The following RBMS3 variants were observed in gnomAD, a reference collection of about 807,000 sequenced individuals.
RBMS3 encodes RNA-binding motif, single-stranded-interacting protein 3.
A neutral mutation model predicts 66.8 loss-of-function variants in RBMS3; 27 were observed. The ratio of observed to expected loss-of-function variants is 0.40; its 90% confidence interval spans 0.30 to 0.56. The LOEUF is 0.56. Ranked by LOEUF, RBMS3 falls within the 20% of genes least tolerant of loss-of-function variation. The pLI, the probability that RBMS3 is intolerant of heterozygous loss-of-function variation, is 0.40. For missense variants in RBMS3, 513 were observed against 549.5 expected (o/e 0.93, Z 0.66); for synonymous variants, 188 against 183.0 (o/e 1.03, Z -0.22).
chr3:29,284,114 A>G (rs2032057116), intron 1 of RBMS3, among the ~76,000 whole-genome samples: 2 of 152,090 alleles, frequency 1.3e-5, no homozygotes, highest in South Asian at 4.1e-4. Flanking sequence ...TGCTGCTTAT[A>G]TTTATTTGGT....
chr3:29,436,161 A>G (rs947983865), intron 2 of RBMS3, among the ~76,000 whole-genome samples: 2 of 152,226 alleles, frequency 1.3e-5, no homozygotes, highest in African/African-American at 4.8e-5. Flanking sequence ...CCATGAGGAT[A>G]TTTATTTTGT....
chr3:29,783,687 C>G (rs2056720267), intron 6 of RBMS3, among the ~76,000 whole-genome samples: 1 of 151,994 alleles, frequency 6.6e-6, no homozygotes, highest in Admixed American at 6.6e-5. Context: ...AGGATAGTAC[C>G]TCACATCCCA....
chr3:29,445,350 T>A (rs2041788427), intron 2 of RBMS3, among the ~76,000 whole-genome samples: 1 of 151,754 alleles, frequency 6.6e-6, no homozygotes, highest in African/African-American at 2.4e-5. Context: ...CAGGATAACT[T>A]GAATCAAAAG....
chr3:29,944,071 GC>G (rs1695137095), intron 11 of RBMS3, 135 bp from the exon 12 acceptor site: 6 of 652,922 alleles, frequency 9.2e-6, no homozygotes, highest in Non-Finnish European at 1.6e-5. Context: ...GAATCCTAAT[GC>G]CTTTACTGCT....
intron 6 of RBMS3, among the ~76,000 whole-genome samples, chr3:29,826,680 T>A (rs192910667): frequency 6.6e-6 from 1 of 152,278 alleles, no homozygotes; most frequent in Admixed American, 6.5e-5. Flanking sequence ...TACTTAACTT[T>A]TTCAGTTTCT....
At position 29,466,901 on chromosome 3, in the gene RBMS3, T is replaced by A. The variant is rs115631922; in HGVS notation, c.249-21540T>A. 4.9e-3 allele frequency among the ~76,000 whole-genome samples: 741 copies of A among 152,210 alleles called. 6 individuals are homozygous for A. The highest frequency in any genetic ancestry group is 0.017 in the African/African-American group (713 of 41,556). ...TACCATTGTATTCAGTGATACTAAT[T>A]GATGGTGCCAGTGAAATTTAGCTGT... On this transcript the variant is annotated intron_variant, in intron 2 of 14. Transcript: ENST00000383767.
At chr3:29,473,302 C>A (rs1307761686) in intron 2 of RBMS3, among the ~76,000 whole-genome samples, 5 of 152,238 alleles carry the variant, frequency 3.3e-5, no homozygotes, top group Middle Eastern at 3.4e-3. Flanking sequence ...TATTTACAAT[C>A]CCTTAGCTAG....
intron 1 of RBMS3, among the ~76,000 whole-genome samples, chr3:29,286,440 G>A (rs2032343523): frequency 1.3e-5 from 2 of 151,940 alleles, no homozygotes; most frequent in Non-Finnish European, 2.9e-5. Flanking sequence ...GAGTAGAAAC[G>A]TAAAAAGTTC....
intron 3 of RBMS3, among the ~76,000 whole-genome samples, chr3:29,582,194 A>ATAGG (rs1437751484): frequency 7.6e-4 from 110 of 144,630 alleles, no homozygotes; most frequent in Middle Eastern, 3.5e-3. Context: ...AGATAGATAG[A>ATAGG]TACACACACA....
chr3:29,674,087 G>A (rs1037763185), intron 4 of RBMS3, among the ~76,000 whole-genome samples: 2 of 152,158 alleles, frequency 1.3e-5, no homozygotes, highest in African/African-American at 4.8e-5. Context: ...TGGGATGTGA[G>A]GCTGGTTCAA....
chr3:29,457,947 C>T (rs1354330918), intron 2 of RBMS3, among the ~76,000 whole-genome samples: 3 of 147,546 alleles, frequency 2.0e-5, no homozygotes, highest in South Asian at 2.2e-4. Flanking sequence ...TTATCTTCCC[C>T]ACCACTCTCC....
At chr3:29,924,005 T>G (rs575643537) in intron 10 of RBMS3, among the ~76,000 whole-genome samples, 1 of 152,364 alleles carries the variant, frequency 6.6e-6, no homozygotes, top group Non-Finnish European at 1.5e-5. Flanking sequence ...ACAGTTTTAT[T>G]TCATATAGTT....
intron 4 of RBMS3, among the ~76,000 whole-genome samples, chr3:29,714,128 C>T (rs1382588275): frequency 7.1e-6 from 1 of 140,714 alleles, no homozygotes; most frequent in Non-Finnish European, 1.6e-5. Context: ...CACTATAAGC[C>T]AGGATCTCTT....
chr3:30,007,120 A>C lies in RBMS3; in HGVS notation c.*3258A>C, dbSNP rs1699821726. 1 of 152,080 alleles carries C rather than the reference A, an allele frequency of 6.6e-6. No individual in the cohort carries two copies. Among genetic ancestry groups the C allele is most frequent in the African/African-American group, 2.4e-5 (1 of 41,430 alleles). The allele number at this position is 152,080 out of a possible 1,614,324, so 9.4% of individuals were successfully genotyped here. ...TTGTCTTACCTAAGACTTGTTTTGAAGAGCCAAGTCTGGGAGAGAAAAAAA... is the reference window on the plus strand; with the variant it reads ...TTGTCTTACCTAAGACTTGTTTTGACGAGCCAAGTCTGGGAGAGAAAAAAA... On this transcript the variant is annotated 3_prime_UTR_variant, in exon 15 of 15. Transcript: ENST00000383767.
intron 3 of RBMS3, among the ~76,000 whole-genome samples, chr3:29,541,718 T>C (rs1395169836): frequency 6.6e-6 from 1 of 152,210 alleles, no homozygotes; most frequent in South Asian, 2.1e-4. Flanking sequence ...CTGTCTCACA[T>C]AGAGTAATGC....
chr3:29,730,918 G>A (rs2054103328), intron 4 of RBMS3: 2 of 985,154 alleles, frequency 2.0e-6, no homozygotes, highest in Non-Finnish European at 2.4e-6. Context: ...GCTGATAACT[G>A]GTGATACTGA....
rs572299327 is a variant in RBMS3 at position 29,539,050 on chromosome 3, C to A, written c.308-48064C>A. 1.1e-3 allele frequency among the ~76,000 whole-genome samples: 161 copies of A among 152,214 alleles called. 1 individual carries two copies. The highest frequency in any genetic ancestry group is 3.8e-3 in the African/African-American group (156 of 41,540). ...TTATATAATGGAGGAATAACATATA[C>A]AAAGAATGAATATAATCACAGAAAT... On this transcript the variant is annotated intron_variant, in intron 3 of 14. Coordinates refer to ENST00000383767, the MANE Select transcript of RBMS3 (RefSeq NM_001003793.3).
chr3:29,912,045 G>A (rs2149634083), intron 10 of RBMS3, among the ~76,000 whole-genome samples: 1 of 152,108 alleles, frequency 6.6e-6, no homozygotes, highest in Middle Eastern at 3.4e-3. Flanking sequence ...TGAATGAATG[G>A]ATGGAGGGAA....
chr3:29,561,432 TTTGTTGTTGTTGTTGTTG>T (rs372349286), intron 3 of RBMS3, among the ~76,000 whole-genome samples: 2 of 148,948 alleles, frequency 1.3e-5, no homozygotes, highest in African/African-American at 2.5e-5. Flanking sequence ...ATCTGTTGTT[TTTGTTGTTGTTGTTGTTG>T]TTGTTGTTGT....
Sources: gnomAD v4.1 joint callset for allele counts (sites outside exome capture counted in the v4.1 genomes callset) on GRCh38, gnomAD v4.1.1 for gene constraint, MANE v1.5 for transcripts, NCBI Gene and HGNC (gene_info 2026-07-23, HGNC 2026-07-21) for gene names.